Variants in SEZ6L observed in about 807,000 individuals in gnomAD.
SEZ6L encodes seizure 6-like protein.
Under a neutral mutation model 106.2 loss-of-function variants are expected in SEZ6L, and 37 were observed. The ratio of observed to expected loss-of-function variants is 0.35; its 90% CI spans 0.27 to 0.46. The LOEUF (loss-of-function observed/expected upper bound fraction) is 0.46. Ranked by LOEUF, SEZ6L falls within the 20% of genes least tolerant of loss-of-function variation. SEZ6L has a pLI of 1.00. For missense variants in SEZ6L, 1,172 were observed against 1,332.8 expected (o/e 0.88, Z 1.88); for synonymous variants, 541 against 570.4 (o/e 0.95, Z 0.73).
At position 26,220,080 on chromosome 22, in the gene SEZ6L, C is replaced by T. The variant is rs140237641; in HGVS notation, c.94+50317C>T. 1.3e-3 allele frequency among the ~76,000 whole-genome samples: 194 copies of T among 152,216 alleles called. 2 individuals are homozygous for T. Among genetic ancestry groups the T allele is most frequent in the African/African-American group, 3.3e-3 (139 of 41,524 alleles). ...GTAAGCCTCACAGGAAGTGGAGAGACGCAGATGTGGGAGTCTGATAGCTCC... is the reference window on the plus strand; with the variant it reads ...GTAAGCCTCACAGGAAGTGGAGAGATGCAGATGTGGGAGTCTGATAGCTCC... On this transcript the variant is annotated intron_variant, in intron 1 of 16. Coordinates refer to ENST00000248933, the MANE Select transcript of SEZ6L (RefSeq NM_021115.5).
In SEZ6L at chr22:26,293,193, C is replaced by T; in HGVS notation, c.835+47C>T. The T allele has an allele frequency of 2.0e-6, 3 of 1,465,476 alleles. No homozygotes were observed. The South Asian group carries it at 4.3e-5, about 21-fold the overall frequency. The allele number at this position is 1,465,476 out of a possible 1,614,324, so 90.8% of individuals were successfully genotyped here. On this transcript the variant is annotated intron_variant, in intron 2 of 16. Transcript: ENST00000248933. ...AAGCCATCCTGAAACAGCCATGAGG[C>T]ACTCACTATGTTCAGGGCATGTGGG...
At chr22:26,326,074 G>GC (rs781324097) in intron 9 of SEZ6L, among the ~76,000 whole-genome samples, 1 of 152,126 alleles carries the variant, frequency 6.6e-6, no homozygotes, top group Non-Finnish European at 1.5e-5. Flanking sequence ...GATTTGCAGG[G>GC]GATTGTGGTG....
At chr22:26,347,031 G>GAA (rs768017064) in intron 10 of SEZ6L, among the ~76,000 whole-genome samples, 8 of 136,996 alleles carry the variant, frequency 5.8e-5, no homozygotes, top group African/African-American at 1.1e-4. Flanking sequence ...CATCTCTACA[G>GAA]AAAAAAAAAA....
rs75920029 is a variant in SEZ6L, at chr22:26,372,275, T to C, written c.2795-1176T>C. ...TCTGCATTTAACATGCCCTGTGGGG[T>C]TCATGAGCACAGGGCTCCAAGGAAC... On this transcript the variant is annotated intron_variant, in intron 13 of 16. Coordinates refer to ENST00000248933, the MANE Select transcript of SEZ6L (RefSeq NM_021115.5). 9.0e-3 allele frequency among the ~76,000 whole-genome samples: 1,363 copies of C among 152,126 alleles called. 17 individuals are homozygous for C. The highest frequency in any genetic ancestry group is 0.031 in the African/African-American group (1,283 of 41,486).
chr22:26,352,147 C>T lies in SEZ6L; in HGVS notation c.2599+904C>T, dbSNP rs73158655. Among the ~76,000 whole-genome samples, 943 of 134,164 alleles carry T rather than the reference C, an allele frequency of 7.0e-3. 2 individuals are homozygous for T. Among genetic ancestry groups the T allele is most frequent in the Non-Finnish European group, 0.011 (727 of 63,650 alleles). The allele number at this position is 134,164 out of a possible 152,430, so 88.0% of individuals were successfully genotyped here. A position where few individuals can be genotyped will look rare whatever the true frequency, so the allele number is the denominator to read the frequency against. On this transcript the variant is annotated intron_variant, in intron 12 of 16. Transcript: ENST00000248933. ...CTGTACCCTAGCTTGGGTGGCACAG[C>T]GAGACCCTGCCTCAAAAAAAAAAAA...
chr22:26,308,641 A>G (rs2081716687), intron 6 of SEZ6L, among the ~76,000 whole-genome samples: 1 of 151,190 alleles, frequency 6.6e-6, no homozygotes, highest in East Asian at 1.9e-4. Flanking sequence ...GTACTAGCTA[A>G]CAAAGGCACT....
At chr22:26,241,771 C>T (rs1001907430) in intron 1 of SEZ6L, among the ~76,000 whole-genome samples, 3 of 152,170 alleles carry the variant, frequency 2.0e-5, no homozygotes, top group Non-Finnish European at 4.4e-5. Flanking sequence ...AGATTCCCAT[C>T]TTATCTTAGG....
chr22:26,243,441 A>G (rs1036171584), intron 1 of SEZ6L, among the ~76,000 whole-genome samples: 8 of 152,218 alleles, frequency 5.3e-5, no homozygotes, highest in African/African-American at 1.9e-4. Flanking sequence ...CCATGCAAAT[A>G]ACTGGTGCAC....
intron 9 of SEZ6L, among the ~76,000 whole-genome samples, chr22:26,316,902 G>GAAGAAAGAAAGAAAGAAAGAAA (rs1556343098): frequency 1.6e-4 from 20 of 126,722 alleles, no homozygotes; most frequent in Non-Finnish European, 2.2e-4. Flanking sequence ...GAGAAAGAAA[G>GAAGAAAGAAAGAAAGAAAGAAA]AAGAAAGAAA....
intron 1 of SEZ6L, among the ~76,000 whole-genome samples, chr22:26,261,540 C>A (rs1469851611): frequency 6.6e-6 from 1 of 152,110 alleles, no homozygotes; most frequent in East Asian, 1.9e-4. Flanking sequence ...ATTTATTGAC[C>A]ACTTACTGTA....
At chr22:26,190,403 T>C (rs1367846172) in intron 1 of SEZ6L, among the ~76,000 whole-genome samples, 1 of 152,168 alleles carries the variant, frequency 6.6e-6, no homozygotes, top group Admixed American at 6.5e-5. Flanking sequence ...ACCCATCAAC[T>C]GGTACTTTTG....
At chr22:26,372,183 T>C (rs569877732) in intron 13 of SEZ6L, among the ~76,000 whole-genome samples, 9 of 152,304 alleles carry the variant, frequency 5.9e-5, no homozygotes, top group African/African-American at 2.2e-4. Flanking sequence ...GCTGAGGCAT[T>C]GGTGAGACCT....
At chr22:26,348,703 A>AAAGCAAGCAAGC (rs1207033331) in intron 11 of SEZ6L, among the ~76,000 whole-genome samples, 1 of 41,480 alleles carries the variant, frequency 2.4e-5, no homozygotes, top group African/African-American at 1.1e-4. Flanking sequence ...AGAAAGAAAG[A>AAAGCAAGCAAGC]AGGCAAGGGA....
chr22:26,365,766 C>T lies in SEZ6L; in HGVS notation c.2794+200C>T, dbSNP rs1024825838. Among the ~76,000 whole-genome samples, 3 of 151,826 alleles carry T rather than the reference C, an allele frequency of 2.0e-5. No homozygotes were observed. The East Asian group carries it at 5.8e-4, about 29-fold the overall frequency. On this transcript the variant is annotated intron_variant, in intron 13 of 16. Coordinates refer to ENST00000248933, the MANE Select transcript of SEZ6L (RefSeq NM_021115.5). ...GCACACACCTGTAGTCCCAGCTACT[C>T]GGGAGGCTGAGATGGGAGGATCACC...
intron 9 of SEZ6L, among the ~76,000 whole-genome samples, chr22:26,329,781 C>T (rs1345955593): frequency 6.6e-6 from 1 of 152,258 alleles, no homozygotes; most frequent in South Asian, 2.1e-4. Flanking sequence ...TTTCTCTGAC[C>T]ACCTGACTGT....
At position 26,351,182 on chromosome 22, in the gene SEZ6L, G is replaced by C. The variant is rs2083265635; in HGVS notation, c.2538G>C (p.Leu846=). The C allele has an allele frequency of 6.2e-7, 1 of 1,614,062 alleles. No homozygotes were observed. Among genetic ancestry groups the C allele is most frequent in the South Asian group, 1.1e-5 (1 of 91,088 alleles). The change falls in exon 12 of 17, where the codon CTG becomes CTC. Residue 846 remains leucine (L), a synonymous_variant. Coordinates refer to ENST00000248933, the MANE Select transcript of SEZ6L (RefSeq NM_021115.5). ...TTGTGCTTGAAGGGAGTTCTCTTCT[G>C]ACCTGCTACAGCCGTGAAACAGGGA... The part of the protein sequence containing the change: ...PGFVLEGSSL[L]TCYSRETGTP...
At chr22:26,351,024 C>T (rs758224043) in intron 11 of SEZ6L, 28 bp from the exon 12 acceptor site, 1 of 1,592,040 alleles carries the variant, frequency 6.3e-7, no homozygotes. Flanking sequence ...GGTCTGACGT[C>T]CTCTTGGTCT....
intron 1 of SEZ6L, among the ~76,000 whole-genome samples, chr22:26,246,101 C>T (rs764513507): frequency 2.0e-5 from 3 of 152,132 alleles, no homozygotes; most frequent in East Asian, 3.9e-4. Context: ...ACTTATTAGG[C>T]GAGGTAGTCC....
At chr22:26,241,543 G>A (rs2079132872) in intron 1 of SEZ6L, 1 of 152,158 alleles carries the variant, frequency 6.6e-6, no homozygotes, top group African/African-American at 2.4e-5. Context: ...AAAATGTATT[G>A]TTGCTTCGTT....
Sources: gnomAD v4.1 joint callset for allele counts (sites outside exome capture counted in the v4.1 genomes callset) on GRCh38, gnomAD v4.1.1 for gene constraint, MANE v1.5 for transcripts, NCBI Gene and HGNC (gene_info 2026-07-23, HGNC 2026-07-21) for gene names.